The following PALLD variants were observed in gnomAD, a reference collection of about 807,000 sequenced individuals.
The protein encoded by PALLD is palladin.
Under a neutral mutation model 123.5 loss-of-function variants are expected in PALLD, and 61 were observed. That is an observed-to-expected ratio of 0.49 (90% CI 0.40 to 0.61). The LOEUF (loss-of-function observed/expected upper bound fraction) is 0.61. PALLD is among the 20% of genes least tolerant of loss of function. The pLI, the probability that PALLD is intolerant of heterozygous loss-of-function variation, is 0.00. For missense variants in PALLD, 1,273 were observed against 1,377.0 expected, an observed-to-expected ratio of 0.92 and a Z score of 1.20; for synonymous variants, 465 against 496.4, an observed-to-expected ratio of 0.94 and a Z score of 0.84.
chr4:168,909,694 A>G (rs1197174412), intron 15 of PALLD, among the ~76,000 whole-genome samples: 1 of 152,220 alleles, frequency 6.6e-6, no homozygotes, highest in East Asian at 1.9e-4. Context: ...AATGTGCATC[A>G]GAGCCTACTA....
At chr4:168,860,150 TTACTC>T (rs1225452265) in intron 10 of PALLD, among the ~76,000 whole-genome samples, 2 of 152,294 alleles carry the variant, frequency 1.3e-5, no homozygotes, top group South Asian at 4.1e-4. Flanking sequence ...TTGATGATAA[TTACTC>T]TAAATGCTCA....
At chr4:168,818,350 C>T (rs2150779653) in intron 10 of PALLD, among the ~76,000 whole-genome samples, 1 of 152,176 alleles carries the variant, frequency 6.6e-6, no homozygotes, top group African/African-American at 2.4e-5. Flanking sequence ...GTAATCCCAG[C>T]ACTTTGGGAG....
chr4:168,763,087 G>C (rs963946212), intron 10 of PALLD, among the ~76,000 whole-genome samples: 7 of 152,032 alleles, frequency 4.6e-5, no homozygotes, highest in Non-Finnish European at 1.0e-4. Flanking sequence ...CAGGTTGATG[G>C]GTGCAGCAAA....
chr4:168,549,902 A>G (rs1766554431), intron 2 of PALLD, among the ~76,000 whole-genome samples: 1 of 152,204 alleles, frequency 6.6e-6, no homozygotes, highest in Non-Finnish European at 1.5e-5. Flanking sequence ...CTATCCCCAA[A>G]ATGAAGAAGT....
At chr4:168,855,184 G>T (rs1365647073) in intron 10 of PALLD, among the ~76,000 whole-genome samples, 4 of 144,752 alleles carry the variant, frequency 2.8e-5, no homozygotes, top group African/African-American at 1.1e-4. Flanking sequence ...TCCGCCTCCC[G>T]GGTTCAAGCG....
At chr4:168,717,012 C>G (rs1785427317) in intron 10 of PALLD, among the ~76,000 whole-genome samples, 1 of 152,196 alleles carries the variant, frequency 6.6e-6, no homozygotes, top group Non-Finnish European at 1.5e-5. Flanking sequence ...TCCCTGACCA[C>G]CCAGTCTAAA....
chr4:168,893,356 C>T (rs1754461094), intron 11 of PALLD, among the ~76,000 whole-genome samples: 1 of 152,152 alleles, frequency 6.6e-6, no homozygotes, highest in South Asian at 2.1e-4. Context: ...CTCTTCTTGT[C>T]CTCTGACCTT....
At position 168,890,944 on chromosome 4, in the gene PALLD, A is replaced by G. The variant is rs1337760063; in HGVS notation, c.1987A>G (p.Arg663Gly). ...CAGAGGATTTCCAAAGAAGGCCAGT[A>G]GAACTGCTAGAATAGCCTCCGATGA... is the stretch of plus-strand genomic sequence containing the variant. Reference protein sequence around the residue: ...PKLGFPKKASRTARIASDEEI... With the variant: ...PKLGFPKKASGTARIASDEEI... The change falls in exon 11 of 22, where the codon AGA becomes GGA. Residue 663 changes from arginine (R) to glycine (G), a missense_variant. Arg to Gly is a moderately radical substitution (Grantham distance 125). Coordinates refer to ENST00000505667, the MANE Select transcript of PALLD (RefSeq NM_001166108.2). 4.3e-6 allele frequency: 7 copies of G among 1,613,958 alleles called. No homozygotes were observed. The African/African-American group carries it at 9.3e-5, about 22-fold the overall frequency.
At chr4:168,617,145 T>A (rs1774306148) in intron 2 of PALLD, among the ~76,000 whole-genome samples, 2 of 152,188 alleles carry the variant, frequency 1.3e-5, no homozygotes, top group African/African-American at 4.8e-5. Context: ...GGAAAGAATT[T>A]GACAACAATG....
chr4:168,807,643 A>G (rs1349046300), intron 10 of PALLD, among the ~76,000 whole-genome samples: 1 of 151,854 alleles, frequency 6.6e-6, no homozygotes, highest in Non-Finnish European at 1.5e-5. Context: ...TCCTGACCTC[A>G]GGTGATCCGC....
chr4:168,798,644 T>C (rs1198743651), intron 10 of PALLD, among the ~76,000 whole-genome samples: 3 of 152,214 alleles, frequency 2.0e-5, no homozygotes, highest in Non-Finnish European at 4.4e-5. Flanking sequence ...ACTGTTAATT[T>C]TAATGCATAA....
intron 2 of PALLD, among the ~76,000 whole-genome samples, chr4:168,538,854 A>G (rs1448519050): frequency 1.3e-5 from 2 of 152,188 alleles, no homozygotes; most frequent in Non-Finnish European, 2.9e-5. Context: ...TGTCTGTTAC[A>G]GTCATTGTGT....
At chr4:168,504,146 T>A (rs544613517) in intron 1 of PALLD, among the ~76,000 whole-genome samples, 1 of 152,330 alleles carries the variant, frequency 6.6e-6, no homozygotes, top group East Asian at 1.9e-4. Context: ...CTTGCACAAC[T>A]AAGCAGTTGT....
At chr4:168,925,833 C>T (rs1344617679) in intron 21 of PALLD, among the ~76,000 whole-genome samples, 1 of 152,108 alleles carries the variant, frequency 6.6e-6, no homozygotes, top group South Asian at 2.1e-4. Context: ...AGTGTTAAAG[C>T]ATCCACATCC....
rs563509124 is a variant in PALLD at position 168,717,475 on chromosome 4, C to G, written c.1964+5552C>G. On this transcript the variant is annotated intron_variant, in intron 10 of 21. Coordinates refer to ENST00000505667, the MANE Select transcript of PALLD (RefSeq NM_001166108.2). ...AAGTCATTCTCCTGCCTCAGCCTCC[C>G]GAGTAGCTGGGATTACAGGCACGTG... 1.5e-4 allele frequency among the ~76,000 whole-genome samples: 23 copies of G among 152,178 alleles called. No individual in the cohort carries two copies. In the South Asian group the frequency reaches 4.8e-3, roughly 32 times the overall value.
chr4:168,682,320 A>C (rs1443414900), intron 4 of PALLD, among the ~76,000 whole-genome samples: 1 of 152,200 alleles, frequency 6.6e-6, no homozygotes, highest in Admixed American at 6.5e-5. Flanking sequence ...TCAAATAATC[A>C]GTGATGCTTA....
chr4:168,870,411 A>G (rs527555271), intron 10 of PALLD, among the ~76,000 whole-genome samples: 1 of 152,342 alleles, frequency 6.6e-6, no homozygotes, highest in South Asian at 2.1e-4. Flanking sequence ...TATTCACAGA[A>G]TATTCTTCCT....
intron 12 of PALLD, among the ~76,000 whole-genome samples, chr4:168,895,724 A>G (rs2151227632): frequency 6.6e-6 from 1 of 152,368 alleles, no homozygotes; most frequent in East Asian, 1.9e-4. Context: ...AAGAAAATCC[A>G]TATATAAGTG....
chr4:168,505,817 G>A (rs1011410189), intron 1 of PALLD, among the ~76,000 whole-genome samples: 1 of 152,188 alleles, frequency 6.6e-6, no homozygotes, highest in African/African-American at 2.4e-5. Flanking sequence ...CTTTATATGT[G>A]TTATATGAAG....
Sources: gnomAD v4.1 joint callset for allele counts (sites outside exome capture counted in the v4.1 genomes callset) on GRCh38, gnomAD v4.1.1 for gene constraint, MANE v1.5 for transcripts, NCBI Gene and HGNC (gene_info 2026-07-23, HGNC 2026-07-21) for gene names.